Variants in PTPRN2 observed in about 807,000 individuals in gnomAD.
PTPRN2 encodes the protein protein tyrosine phosphatase receptor type N2, also known as receptor-type tyrosine-protein phosphatase N2.
PTPRN2 carries 74 observed loss-of-function variants against 118.8 expected under a neutral mutation model. The ratio of observed to expected loss-of-function variants is 0.62; its 90% confidence interval spans 0.52 to 0.76. The LOEUF is 0.76. Among genes scored for constraint, PTPRN2 ranks in the 30% least tolerant of loss-of-function variants. The pLI is 0.00. For synonymous variants in PTPRN2, 641 were observed against 608.0 expected (o/e 1.05, Z -0.80); for missense variants, 1,481 against 1,394.4 (o/e 1.06, Z -0.99).
At chr7:157,925,894 G>A (rs962965908) in intron 11 of PTPRN2, among the ~76,000 whole-genome samples, 5 of 152,026 alleles carry the variant, frequency 3.3e-5, no homozygotes, top group African/African-American at 1.2e-4. Flanking sequence ...CACTTCCACA[G>A]ACACCTCTTC....
intron 1 of PTPRN2, among the ~76,000 whole-genome samples, chr7:158,495,356 C>T (rs1001349073): frequency 1.3e-5 from 2 of 152,194 alleles, no homozygotes; most frequent in Admixed American, 6.5e-5. Flanking sequence ...TTTTAACATT[C>T]TGGAGAGAGA....
intron 12 of PTPRN2, among the ~76,000 whole-genome samples, chr7:157,843,837 T>G (rs1006153074): frequency 4.6e-5 from 7 of 152,204 alleles, no homozygotes; most frequent in African/African-American, 1.7e-4. Context: ...AATTTGCTGA[T>G]AGAAAGGGGA....
chr7:157,685,380 G>A (rs1008621549), intron 12 of PTPRN2, among the ~76,000 whole-genome samples: 2 of 152,102 alleles, frequency 1.3e-5, no homozygotes, highest in African/African-American at 4.8e-5. Context: ...TGACCACCCT[G>A]GTTCTGAGGG....
At position 157,657,794 on chromosome 7, in the gene PTPRN2, C is replaced by T. The variant is rs1446939032; in HGVS notation, c.2002-1243G>A. 8.0e-5 allele frequency among the ~76,000 whole-genome samples: 8 copies of T among 100,496 alleles called. 2 individuals are homozygous for T. Among genetic ancestry groups the T allele is most frequent in the Non-Finnish European group, 1.3e-4 (6 of 46,910 alleles). The allele number at this position is 100,496 out of a possible 152,430, so 65.9% of individuals were successfully genotyped here. ...CACATCACACATATACACACACAAA[C>T]GCCACACACACCACACACATCACAC... On this transcript the variant is annotated intron_variant, in intron 13 of 22. Transcript: ENST00000389418.
chr7:157,685,989 C>CG (rs1009783762), intron 12 of PTPRN2, among the ~76,000 whole-genome samples: 2 of 152,132 alleles, frequency 1.3e-5, no homozygotes, highest in Admixed American at 6.5e-5. Context: ...TGGGAGAGGC[C>CG]GGGGGAGGCC....
chr7:158,259,851 T>C (rs758126644), intron 3 of PTPRN2, among the ~76,000 whole-genome samples: 1 of 150,468 alleles, frequency 6.6e-6, no homozygotes, highest in Non-Finnish European at 1.5e-5. Context: ...TGTGTGTCCA[T>C]GTGTCCCTGG....
At chr7:158,261,910 G>A (rs1262631330) in intron 3 of PTPRN2, among the ~76,000 whole-genome samples, 1 of 152,224 alleles carries the variant, frequency 6.6e-6, no homozygotes, top group African/African-American at 2.4e-5. Flanking sequence ...TGCTCAGGAG[G>A]GAGGAATCTA....
At chr7:158,301,341 G>A (rs1428085028) in intron 3 of PTPRN2, among the ~76,000 whole-genome samples, 1 of 152,134 alleles carries the variant, frequency 6.6e-6, no homozygotes, top group Non-Finnish European at 1.5e-5. Flanking sequence ...CCTCCTCCCT[G>A]TTCTGATCTG....
At chr7:158,059,161 T>C (rs1260039322) in intron 11 of PTPRN2, among the ~76,000 whole-genome samples, 2 of 114,268 alleles carry the variant, frequency 1.8e-5, no homozygotes, top group African/African-American at 8.8e-5. Flanking sequence ...GCAGCCACAC[T>C]CCATCTGCAC....
rs115751455 is a variant in PTPRN2, at chr7:157,623,017, G to A, written c.2197-1508C>T. ...CCAGCCCCGACACCCAGGAAGCCTC[G>A]TGGTTTCCTTGTGCATGGAAGAAGC... On this transcript the variant is annotated intron_variant, in intron 14 of 22. Coordinates refer to ENST00000389418, the MANE Select transcript of PTPRN2 (RefSeq NM_002847.5). Among the ~76,000 whole-genome samples, 540 of 152,304 alleles carry A rather than the reference G, an allele frequency of 3.5e-3. 4 individuals carry two copies. Among genetic ancestry groups the A allele is most frequent in the African/African-American group, 0.012 (509 of 41,542 alleles).
At chr7:158,192,248 C>G (rs550009910) in intron 5 of PTPRN2, 79 bp downstream of exon 5, 2 of 1,343,934 alleles carry the variant, frequency 1.5e-6, no homozygotes, top group Non-Finnish European at 1.9e-6. Flanking sequence ...GAGGAGCCAG[C>G]GACTAAGGAA....
At chr7:158,415,340 A>G (rs1442494170) in intron 2 of PTPRN2, among the ~76,000 whole-genome samples, 1 of 152,180 alleles carries the variant, frequency 6.6e-6, no homozygotes, top group Non-Finnish European at 1.5e-5. Flanking sequence ...CAGGGGAGAG[A>G]GCCAGCAGCC....
chr7:157,819,098 G>A (rs575478423), intron 12 of PTPRN2, among the ~76,000 whole-genome samples: 2 of 152,274 alleles, frequency 1.3e-5, no homozygotes, highest in South Asian at 4.1e-4. Context: ...ACTGGCCCCA[G>A]CCCCCCAAAC....
chr7:158,274,687 A>G (rs972565970), intron 3 of PTPRN2, among the ~76,000 whole-genome samples: 1 of 152,160 alleles, frequency 6.6e-6, no homozygotes, highest in Non-Finnish European at 1.5e-5. Flanking sequence ...ACATTACTGC[A>G]TCTGCATTTG....
chr7:158,229,138 G>A (rs555458767), intron 3 of PTPRN2, among the ~76,000 whole-genome samples: 1 of 151,976 alleles, frequency 6.6e-6, no homozygotes, highest in East Asian at 1.9e-4. Flanking sequence ...GCAGCACTCA[G>A]ATCTTTAACC....
intron 11 of PTPRN2, among the ~76,000 whole-genome samples, chr7:157,984,555 G>A (rs1803621655): frequency 6.6e-6 from 1 of 151,792 alleles, no homozygotes; most frequent in African/African-American, 2.4e-5. Context: ...GTGAATGCCA[G>A]GGGCCCTGTG....
chr7:158,399,479 T>C (rs2123496), intron 2 of PTPRN2, among the ~76,000 whole-genome samples: 148,080 of 152,230 alleles, frequency 0.97, 72,055 homozygotes, highest in African/African-American at 0.99. Flanking sequence ...AAGTGAGATC[T>C]CTGTCTCTAT....
chr7:158,235,898 G>T (rs1418017125), intron 3 of PTPRN2, among the ~76,000 whole-genome samples: 4 of 151,510 alleles, frequency 2.6e-5, no homozygotes, highest in African/African-American at 9.8e-5. Context: ...TTTCTAGAGA[G>T]CCCATTTTTC....
intron 12 of PTPRN2, among the ~76,000 whole-genome samples, chr7:157,843,146 GT>G (rs1357980677): frequency 1.3e-5 from 2 of 152,176 alleles, no homozygotes; most frequent in East Asian, 3.8e-4. Context: ...AACTCTCTCT[GT>G]TTATTGAGTG....
Sources: gnomAD v4.1 joint callset for allele counts (sites outside exome capture counted in the v4.1 genomes callset) on GRCh38, gnomAD v4.1.1 for gene constraint, MANE v1.5 for transcripts, NCBI Gene and HGNC (gene_info 2026-07-23, HGNC 2026-07-21) for gene names.